Variants in XYLT1 observed in about 807,000 individuals in gnomAD.
The protein encoded by XYLT1 is xylosyltransferase 1.
A neutral mutation model predicts 91.3 loss-of-function variants in XYLT1; 36 were observed. The ratio of observed to expected loss-of-function variants is 0.39; its 90% CI spans 0.30 to 0.52. The LOEUF is 0.52. Ranked by LOEUF, XYLT1 falls within the 20% of genes least tolerant of loss-of-function variation. The pLI is 0.68. For synonymous variants in XYLT1, 588 were observed against 532.0 expected (o/e 1.11, Z -1.45); for missense variants, 1,242 against 1,284.5 (o/e 0.97, Z 0.51).
chr16:17,460,590 C>T (rs1261762670), intron 1 of XYLT1, among the ~76,000 whole-genome samples: 1 of 152,126 alleles, frequency 6.6e-6, no homozygotes, highest in African/African-American at 2.4e-5. Flanking sequence ...ACTCAACAGC[C>T]AAGAGGGGCC....
chr16:17,112,863 G>A (rs1034986547), intron 11 of XYLT1, among the ~76,000 whole-genome samples: 5 of 151,948 alleles, frequency 3.3e-5, no homozygotes, highest in Non-Finnish European at 5.9e-5. Flanking sequence ...TTTTTGAGAC[G>A]GAGTCTCGCT....
chr16:17,438,655 C>T (rs528216825), intron 1 of XYLT1, among the ~76,000 whole-genome samples: 2 of 152,122 alleles, frequency 1.3e-5, no homozygotes, highest in South Asian at 4.2e-4. Context: ...ACAGGCTGTA[C>T]AGGACGCATG....
chr16:17,420,000 T>G (rs2036231919), intron 1 of XYLT1, among the ~76,000 whole-genome samples: 1 of 152,224 alleles, frequency 6.6e-6, no homozygotes, highest in Admixed American at 6.5e-5. Context: ...ATCCACTCAT[T>G]ACTGTTAGTC....
chr16:17,207,608 C>G (rs914882144), intron 3 of XYLT1, among the ~76,000 whole-genome samples: 1 of 152,192 alleles, frequency 6.6e-6, no homozygotes, highest in Non-Finnish European at 1.5e-5. Flanking sequence ...GCTGTCTCCT[C>G]TCATCCAGCA....
intron 3 of XYLT1, among the ~76,000 whole-genome samples, chr16:17,233,908 G>T (rs552154905): frequency 6.6e-6 from 1 of 152,264 alleles, no homozygotes; most frequent in South Asian, 2.1e-4. Context: ...CACGTGCTTG[G>T]GGGTGCGGCA....
intron 4 of XYLT1, among the ~76,000 whole-genome samples, 184 bp from the exon 5 acceptor site, chr16:17,198,598 A>AT (rs1187615961): frequency 6.6e-6 from 1 of 152,026 alleles, no homozygotes; most frequent in African/African-American, 2.4e-5. Context: ...AACTTGGATT[A>AT]TTTTTTACAT....
chr16:17,228,632 G>A (rs1349131985), intron 3 of XYLT1, among the ~76,000 whole-genome samples: 1 of 152,168 alleles, frequency 6.6e-6, no homozygotes, highest in Non-Finnish European at 1.5e-5. Flanking sequence ...GATCGGTGGA[G>A]GCTTGTGATT....
In XYLT1 at chr16:17,272,903, G is replaced by A. The variant is rs149292189; in HGVS notation, c.403-13405C>T. Among the ~76,000 whole-genome samples the A allele has an allele frequency of 1.7e-4, 26 of 152,280 alleles. No homozygotes were observed. In the East Asian group the frequency reaches 3.9e-3, roughly 23 times the overall value. ...TATTCCAGAGTGTTTGATGGAGGTG[G>A]CATTGTCCCTAATGAGGTGTTCTGG... is the stretch of plus-strand genomic sequence containing the variant. On this transcript the variant is annotated intron_variant, in intron 2 of 11. Coordinates refer to ENST00000261381, the MANE Select transcript of XYLT1 (RefSeq NM_022166.4).
At chr16:17,329,406 T>G (rs1471931569) in intron 2 of XYLT1, among the ~76,000 whole-genome samples, 1 of 152,236 alleles carries the variant, frequency 6.6e-6, no homozygotes, top group Non-Finnish European at 1.5e-5. Flanking sequence ...ATAGTAGATA[T>G]TTGATACATG....
At position 17,270,651 on chromosome 16, in the gene XYLT1, C is replaced by T. The variant is rs548810528; in HGVS notation, c.403-11153G>A. Reference sequence around the variant, plus strand: ...TTGTTTACTATGTGCTGATTACCTACCAGGCACGGAGCTAAGCCCGTGGCT... The same window carrying T: ...TTGTTTACTATGTGCTGATTACCTATCAGGCACGGAGCTAAGCCCGTGGCT... On this transcript the variant is annotated intron_variant, in intron 2 of 11. Coordinates refer to ENST00000261381, the MANE Select transcript of XYLT1 (RefSeq NM_022166.4). Among the ~76,000 whole-genome samples, 4 of 152,346 alleles carry T rather than the reference C, an allele frequency of 2.6e-5. No homozygotes were observed. In the East Asian group the frequency reaches 7.7e-4, roughly 29 times the overall value.
Position 17,181,742 on chromosome 16 carries a change from CA to C in XYLT1, c.1289+16469del, listed in dbSNP as rs912714938. On this transcript the variant is annotated intron_variant, in intron 5 of 11. Transcript: ENST00000261381. ...CTGTTCTGTGAACCCTTCCTCCTCC[CA>C]AATGAATTGCACTTCTTTTTTTTTT... Among the ~76,000 whole-genome samples the C allele has an allele frequency of 7.9e-5, 12 of 152,104 alleles. 1 individual carries two copies. Among genetic ancestry groups the C allele is most frequent in the Admixed American group, 5.9e-4 (9 of 15,272 alleles).
chr16:17,125,409 G>A (rs1002272527), intron 10 of XYLT1, among the ~76,000 whole-genome samples: 2 of 151,894 alleles, frequency 1.3e-5, no homozygotes, highest in African/African-American at 2.4e-5. Context: ...CATCTTTCCC[G>A]GGCCTGCAAG....
In XYLT1 at chr16:17,141,295, C is replaced by T. The variant is rs571451998; in HGVS notation, c.1445G>A (p.Arg482Gln). ...DAHMWRLGDR[R>Q]IPEGIAVDGG... ...ATCCACGGCAATGCCCTCTGGGATC[C>T]GCCGATCTCCCAGGCGCCACATGTG... Residue 482 changes from arginine (R) to glutamine (Q), a missense_variant, in exon 7 of 12, where the codon CGG becomes CAG. Around this residue, in one of 3 missense-constraint regions of XYLT1, gnomAD observed 294 missense variants for 376.0 expected, o/e 0.78. Transcript: ENST00000261381. The T allele has an allele frequency of 1.4e-5, 23 of 1,614,168 alleles. No homozygotes were observed. Among genetic ancestry groups the T allele is most frequent in the East Asian group, 1.1e-4 (5 of 44,870 alleles).
intron 6 of XYLT1, among the ~76,000 whole-genome samples, chr16:17,151,522 T>G (rs1196264587): frequency 6.6e-6 from 1 of 152,190 alleles, no homozygotes; most frequent in Non-Finnish European, 1.5e-5. Context: ...CTAGCCTCAG[T>G]GTCCCCATCT....
Position 17,470,732 on chromosome 16 carries a change from A to G in XYLT1, c.65T>C (p.Leu22Pro). The change falls in exon 1 of 12, where the codon CTC (leucine) becomes CCC (proline). Residue 22 changes from leucine (L) to proline (P), a missense_variant. Physicochemically the swap from Leu to Pro is moderately conservative, Grantham distance 98. Around this residue, in one of 3 missense-constraint regions of XYLT1, gnomAD observed 437 missense variants for 411.5 expected, o/e 1.06. Transcript: ENST00000261381. ...RRSHSALLAA[L>P]TVLLLQTLVV... ...CAGCGTCTGCAGCAGCAGCACCGTG[A>G]GCGCCGCGAGCAGCGCCGAGTGCGA... 2 of 1,142,866 alleles carry G rather than the reference A, an allele frequency of 1.7e-6. No homozygotes were observed. The highest frequency in any genetic ancestry group is 2.2e-6 in the Non-Finnish European group (2 of 915,154). The allele number at this position is 1,142,866 out of a possible 1,614,324, so 70.8% of individuals were successfully genotyped here.
chr16:17,213,612 C>CTTTCT (rs1180845615), intron 3 of XYLT1, among the ~76,000 whole-genome samples: 1 of 151,890 alleles, frequency 6.6e-6, no homozygotes, highest in East Asian at 1.9e-4. Flanking sequence ...TTGGAACAAC[C>CTTTCT]TTTCTTTTCT....
intron 1 of XYLT1, among the ~76,000 whole-genome samples, chr16:17,400,947 T>G (rs2035960065): frequency 6.7e-6 from 1 of 150,254 alleles, no homozygotes; most frequent in Non-Finnish European, 1.5e-5. Context: ...ATAATCCAGC[T>G]CTCTCTCCTC....
intron 5 of XYLT1, among the ~76,000 whole-genome samples, chr16:17,177,042 C>T (rs996537963): frequency 7.9e-5 from 12 of 152,152 alleles, no homozygotes; most frequent in Non-Finnish European, 1.6e-4. Flanking sequence ...TGGCTTATCC[C>T]CTTGCCACAC....
chr16:17,198,470 A>T lies in XYLT1; in HGVS notation c.1087-56T>A. 2.6e-6 allele frequency: 4 copies of T among 1,548,258 alleles called. No individual in the cohort carries two copies. The South Asian group carries it at 3.6e-5, about 14-fold the overall frequency. On this transcript the variant is annotated intron_variant, in intron 4 of 11. Coordinates refer to ENST00000261381, the MANE Select transcript of XYLT1 (RefSeq NM_022166.4). Reference sequence around the variant, plus strand: ...TCAGTGGCCTAGAAAATACCCAGGCATGCCCCTCACCCCTGTCCCCTCTCT... The same window carrying T: ...TCAGTGGCCTAGAAAATACCCAGGCTTGCCCCTCACCCCTGTCCCCTCTCT...
Sources: gnomAD v4.1 joint callset for allele counts (sites outside exome capture counted in the v4.1 genomes callset) on GRCh38, gnomAD v4.1.1 for gene constraint, gnomAD v4.1.1 regional missense constraint, MANE v1.5 for transcripts, NCBI Gene and HGNC (gene_info 2026-07-23, HGNC 2026-07-21) for gene names.